Variants in NKAIN2 observed in about 807,000 individuals in gnomAD.
NKAIN2 encodes sodium/potassium-transporting ATPase subunit beta-1-interacting protein 2.
In NKAIN2, 14 loss-of-function variants were observed where a neutral mutation model predicts 32.6. The ratio of observed to expected loss-of-function variants is 0.43; its 90% confidence interval spans 0.28 to 0.67. The LOEUF (loss-of-function observed/expected upper bound fraction) is 0.67, where lower values mean the gene tolerates loss of function less well. NKAIN2 is among the 30% of genes least tolerant of loss of function. NKAIN2 has a pLI of 0.17. For synonymous variants in NKAIN2, 80 were observed against 87.2 expected, an observed-to-expected ratio of 0.92 and a Z score of 0.46; for missense variants, 198 against 258.3, an observed-to-expected ratio of 0.77 and a Z score of 1.60.
chr6:124,578,500 AG>A (rs1781410701), intron 3 of NKAIN2, among the ~76,000 whole-genome samples: 1 of 151,664 alleles, frequency 6.6e-6, no homozygotes, highest in African/African-American at 2.4e-5. Flanking sequence ...TGGAAAAGAG[AG>A]GAAAGAGTGG....
At chr6:123,956,243 G>T (rs1777584845) in intron 1 of NKAIN2, among the ~76,000 whole-genome samples, 1 of 152,192 alleles carries the variant, frequency 6.6e-6, no homozygotes, top group African/African-American at 2.4e-5. Flanking sequence ...GATAACATCT[G>T]TTCTGAAAGA....
intron 1 of NKAIN2, among the ~76,000 whole-genome samples, chr6:124,003,746 G>A (rs1779966411): frequency 6.6e-6 from 1 of 152,158 alleles, no homozygotes; most frequent in South Asian, 2.1e-4. Flanking sequence ...AGGGGAGGAA[G>A]ACAGTGAACA....
chr6:123,970,110 GATAT>G (rs71541239), intron 1 of NKAIN2, among the ~76,000 whole-genome samples: 3 of 149,194 alleles, frequency 2.0e-5, no homozygotes, highest in African/African-American at 4.9e-5. Context: ...TTATTAAATG[GATAT>G]ATATATATAT....
intron 3 of NKAIN2, among the ~76,000 whole-genome samples, chr6:124,422,346 T>TA (rs573351442): frequency 1.3e-5 from 2 of 152,014 alleles, no homozygotes; most frequent in South Asian, 4.2e-4. Context: ...AGAAGAACAA[T>TA]AAAAAACTTG....
chr6:124,291,056 C>T (rs1419626043), intron 2 of NKAIN2, among the ~76,000 whole-genome samples: 2 of 152,198 alleles, frequency 1.3e-5, no homozygotes, highest in African/African-American at 2.4e-5. Context: ...TCCTGAAAAG[C>T]ATGTTTGTGA....
chr6:124,305,020 G>A (rs983235308), intron 2 of NKAIN2, among the ~76,000 whole-genome samples: 2 of 152,092 alleles, frequency 1.3e-5, no homozygotes, highest in African/African-American at 4.8e-5. Flanking sequence ...AGGTTAATAT[G>A]GAATCCGAGA....
At chr6:124,222,919 G>A (rs1353563489) in intron 1 of NKAIN2, among the ~76,000 whole-genome samples, 1 of 152,216 alleles carries the variant, frequency 6.6e-6, no homozygotes. Context: ...AGAAAGAACA[G>A]AACTGGAGAG....
intron 1 of NKAIN2, among the ~76,000 whole-genome samples, chr6:123,845,391 A>C (rs568595412): frequency 6.6e-6 from 1 of 152,246 alleles, no homozygotes; most frequent in Admixed American, 6.5e-5. Flanking sequence ...AGAATAATAC[A>C]AAAGTGACAT....
At chr6:123,864,502 A>G (rs1775907769) in intron 1 of NKAIN2, among the ~76,000 whole-genome samples, 2 of 152,356 alleles carry the variant, frequency 1.3e-5, no homozygotes, top group South Asian at 4.1e-4. Flanking sequence ...CAGACAGACC[A>G]TAAACAAATA....
At chr6:124,139,120 C>G (rs1408432261) in intron 1 of NKAIN2, among the ~76,000 whole-genome samples, 4 of 124,682 alleles carry the variant, frequency 3.2e-5, no homozygotes, top group African/African-American at 1.2e-4. Context: ...CTCGCTCTGT[C>G]GCCCAGGCCG....
At chr6:123,913,033 T>C (rs1214534007) in intron 1 of NKAIN2, among the ~76,000 whole-genome samples, 3 of 152,220 alleles carry the variant, frequency 2.0e-5, no homozygotes, top group Admixed American at 1.3e-4. Flanking sequence ...AATTCAATAT[T>C]ATAGTATCTG....
chr6:123,816,465 A>T (rs1773699791), intron 1 of NKAIN2, among the ~76,000 whole-genome samples: 1 of 152,126 alleles, frequency 6.6e-6, no homozygotes, highest in Non-Finnish European at 1.5e-5. Context: ...AGATTGCTAA[A>T]CTGCTTCAAA....
intron 4 of NKAIN2, among the ~76,000 whole-genome samples, chr6:124,779,956 T>A (rs1402147218): frequency 6.6e-6 from 1 of 152,214 alleles, no homozygotes; most frequent in Non-Finnish European, 1.5e-5. Context: ...GTCTCAAAAG[T>A]TAGTGATAAA....
chr6:124,134,542 G>T (rs1190207942), intron 1 of NKAIN2, among the ~76,000 whole-genome samples: 2 of 152,018 alleles, frequency 1.3e-5, no homozygotes, highest in Non-Finnish European at 2.9e-5. Flanking sequence ...AAATTAGCTG[G>T]GCATGGTGGT....
At chr6:124,565,664 C>G (rs765555410) in intron 3 of NKAIN2, among the ~76,000 whole-genome samples, 1 of 152,204 alleles carries the variant, frequency 6.6e-6, no homozygotes, top group Non-Finnish European at 1.5e-5. Flanking sequence ...GCACTGACCC[C>G]GGATGATTTG....
intron 1 of NKAIN2, among the ~76,000 whole-genome samples, chr6:124,254,621 G>A (rs1304352626): frequency 6.6e-6 from 1 of 152,084 alleles, no homozygotes; most frequent in East Asian, 1.9e-4. Context: ...TTTCGAATAT[G>A]AAGAAATCCT....
chr6:124,338,991 A>T (rs868305534), intron 2 of NKAIN2, among the ~76,000 whole-genome samples: 1 of 152,224 alleles, frequency 6.6e-6, no homozygotes, highest in African/African-American at 2.4e-5. Flanking sequence ...CTGCTGTAAC[A>T]AATTACCACA....
At chr6:124,476,397 CTGTGTGTGTGTGTGTGTGTGTGTG>C (rs56691516) in intron 3 of NKAIN2, among the ~76,000 whole-genome samples, 9 of 138,036 alleles carry the variant, frequency 6.5e-5, no homozygotes, top group African/African-American at 8.0e-5. Flanking sequence ...ATGTATGTGA[CTGTGTGTGTGTGTGTGTGTGTGTG>C]TGTGTGTGTG....
intron 5 of NKAIN2, among the ~76,000 whole-genome samples, chr6:124,811,278 C>T (rs1253574376): frequency 6.6e-6 from 1 of 151,778 alleles, no homozygotes; most frequent in African/African-American, 2.4e-5. Context: ...TTAAATTTTC[C>T]CTTCATGGTT....
Sources: gnomAD v4.1 joint callset for allele counts (sites outside exome capture counted in the v4.1 genomes callset) on GRCh38, gnomAD v4.1.1 for gene constraint, MANE v1.5 for transcripts, NCBI Gene and HGNC (gene_info 2026-07-23, HGNC 2026-07-21) for gene names.